The following PRRC2B variants were observed in gnomAD, a reference collection of about 807,000 sequenced individuals.
The protein encoded by PRRC2B is proline rich coiled-coil 2B.
A neutral mutation model predicts 242.3 loss-of-function variants in PRRC2B; 68 were observed. The observed-to-expected ratio is 0.28, with a 90% CI of 0.23 to 0.34. PRRC2B has a LOEUF of 0.34. PRRC2B is among the 10% of genes least tolerant of loss of function. The pLI, the probability that PRRC2B is intolerant of heterozygous loss-of-function variation, is 1.00. For missense variants in PRRC2B, 2,835 were observed against 2,954.8 expected (o/e 0.96, Z 0.94); for synonymous variants, 1,228 against 1,173.6 (o/e 1.05, Z -0.95).
chr9:131,495,668 T>G (rs1372310686), intron 31 of PRRC2B, 72 bp from the exon 32 acceptor site: 4 of 1,518,732 alleles, frequency 2.6e-6, no homozygotes, highest in East Asian at 2.3e-5. Context: ...AGGAAGGGAG[T>G]GGTGGGAACT....
intron 12 of PRRC2B, among the ~76,000 whole-genome samples, chr9:131,466,936 G>A (rs910455518): frequency 3.3e-5 from 5 of 152,058 alleles, no homozygotes; most frequent in African/African-American, 1.2e-4. Flanking sequence ...CAAGTAGCTG[G>A]GACTACAGGT....
At chr9:131,389,478 G>T (rs993258110), upstream of PRRC2B, among the ~76,000 whole-genome samples, 3 of 150,644 alleles carry the variant, frequency 2.0e-5, no homozygotes, top group African/African-American at 2.4e-5. Flanking sequence ...TGAACTTTCT[G>T]ATGCTCTATT....
chr9:131,475,676 G>C lies in PRRC2B; in HGVS notation c.3547G>C (p.Gly1183Arg). 6.2e-7 allele frequency: 1 copy of C among 1,612,220 alleles called. No homozygotes were observed. Among genetic ancestry groups the C allele is most frequent in the Non-Finnish European group, 8.5e-7 (1 of 1,179,252 alleles). ...CAGAGATTCTTGGCGGTCCAACAAG[G>C]GGTGCTCTGAGGACCACAGCGGTCT... ...DCRDSWRSNKGCSEDHSGLDA... is the reference protein window; with the variant it reads ...DCRDSWRSNKRCSEDHSGLDA... Residue 1183 changes from glycine (G) to arginine (R), a missense_variant, in exon 16 of 32, where the codon GGG (glycine) becomes CGG (arginine). Coordinates refer to ENST00000683519, the MANE Select transcript of PRRC2B (RefSeq NM_013318.4).
chr9:131,466,576 G>A (rs1943400769), intron 12 of PRRC2B, among the ~76,000 whole-genome samples: 1 of 151,066 alleles, frequency 6.6e-6, no homozygotes, highest in East Asian at 1.9e-4. Context: ...CTGTTCAGAT[G>A]TTGGATATGT....
chr9:131,427,400 A>G (rs1013071600), intron 1 of PRRC2B, among the ~76,000 whole-genome samples: 10 of 151,696 alleles, frequency 6.6e-5, no homozygotes, highest in Non-Finnish European at 5.9e-5. Context: ...GTGCGATCTC[A>G]GCTCACTGCA....
At chr9:131,412,527 A>C (rs1311489701) in intron 1 of PRRC2B, among the ~76,000 whole-genome samples, 4 of 152,128 alleles carry the variant, frequency 2.6e-5, no homozygotes, top group Non-Finnish European at 5.9e-5. Flanking sequence ...TTTGGAGTTA[A>C]CTGGGTCATG....
chr9:131,407,183 C>G (rs1837387695), intron 1 of PRRC2B, among the ~76,000 whole-genome samples: 1 of 152,132 alleles, frequency 6.6e-6, no homozygotes, highest in Non-Finnish European at 1.5e-5. Flanking sequence ...TTAACAAGTG[C>G]TGCTTCCAAA....
At position 131,470,587 on chromosome 9, in the gene PRRC2B, C is replaced by G. The variant is rs180919390; in HGVS notation, c.1912-201C>G. On this transcript the variant is annotated intron_variant, in intron 13 of 31. Transcript: ENST00000683519. ...GATAATGGCATGGCTGTCCACCAGC[C>G]TTGGACAGGGACCTGAGCTTGCAAG... Among the ~76,000 whole-genome samples, 426 of 152,248 alleles carry G rather than the reference C, an allele frequency of 2.8e-3. 8 individuals are homozygous for G. The highest frequency in any genetic ancestry group is 0.025 in the Admixed American group (378 of 15,304).
At chr9:131,396,166 G>A (rs1837048792) in intron 1 of PRRC2B, among the ~76,000 whole-genome samples, 1 of 152,012 alleles carries the variant, frequency 6.6e-6, no homozygotes, top group Admixed American at 6.6e-5. Context: ...ACAGTGAATT[G>A]TTTTCTCTCC....
intron 1 of PRRC2B, among the ~76,000 whole-genome samples, chr9:131,418,033 C>T (rs750048361): frequency 2.4e-4 from 37 of 152,350 alleles, no homozygotes; most frequent in Admixed American, 3.3e-4. Context: ...GTGAACTTCT[C>T]TGTCCTTCCC....
At chr9:131,420,057 T>C (rs949432499) in intron 1 of PRRC2B, among the ~76,000 whole-genome samples, 5 of 152,158 alleles carry the variant, frequency 3.3e-5, no homozygotes, top group African/African-American at 9.7e-5. Context: ...TCTTGTGTCC[T>C]CACCATACGC....
chr9:131,411,666 T>C (rs1395803186), intron 1 of PRRC2B, among the ~76,000 whole-genome samples: 3 of 152,116 alleles, frequency 2.0e-5, no homozygotes, highest in Non-Finnish European at 4.4e-5. Context: ...TTTCTAGATA[T>C]TTTGCAGGTG....
At chr9:131,447,251 TG>T in intron 8 of PRRC2B, 45 bp downstream of exon 8, 1 of 1,607,520 alleles carries the variant, frequency 6.2e-7, no homozygotes, top group Non-Finnish European at 8.5e-7. Context: ...ATGAGTGCGG[TG>T]GTGATTCTGG....
At chr9:131,380,893 A>G (rs914174971) in intron 1 of PRRC2B, among the ~76,000 whole-genome samples, 9 of 151,514 alleles carry the variant, frequency 5.9e-5, no homozygotes, top group Non-Finnish European at 1.3e-4. Context: ...CTCCAAAAAA[A>G]AAAAAAGAGT....
intron 1 of PRRC2B, among the ~76,000 whole-genome samples, chr9:131,385,322 C>CAA (rs201783703): frequency 0.014 from 2,034 of 148,606 alleles, 79 homozygotes; most frequent in African/African-American, 0.045. Flanking sequence ...GCCTGGGTAA[C>CAA]GAGCGAAAAA....
chr9:131,457,956 G>C (rs1943131065), intron 10 of PRRC2B, among the ~76,000 whole-genome samples: 1 of 152,102 alleles, frequency 6.6e-6, no homozygotes, highest in African/African-American at 2.4e-5. Flanking sequence ...CCACACATCT[G>C]CCATCCCTGA....
At chr9:131,478,438 G>A (rs1450003196) in intron 17 of PRRC2B, 36 bp from the exon 18 acceptor site, 1 of 1,606,772 alleles carries the variant, frequency 6.2e-7, no homozygotes, top group Non-Finnish European at 8.5e-7. Context: ...CCTGGTGAGT[G>A]GAAAGACTGT....
chr9:131,456,582 G>T (rs1943086737), intron 10 of PRRC2B, among the ~76,000 whole-genome samples: 1 of 151,656 alleles, frequency 6.6e-6, no homozygotes, highest in South Asian at 2.1e-4. Flanking sequence ...AGTGAGCCGA[G>T]ATCACGCCAC....
chr9:131,394,484 C>A (rs2131273380), intron 1 of PRRC2B, among the ~76,000 whole-genome samples: 1 of 147,386 alleles, frequency 6.8e-6, no homozygotes. Context: ...GGCGGCGGGC[C>A]CGGGCGCGCT....
Sources: gnomAD v4.1 joint callset for allele counts (sites outside exome capture counted in the v4.1 genomes callset) on GRCh38, gnomAD v4.1.1 for gene constraint, MANE v1.5 for transcripts, NCBI Gene and HGNC (gene_info 2026-07-23, HGNC 2026-07-21) for gene names.